Variants in COPS2 observed in about 807,000 individuals in gnomAD.
COPS2 encodes COP9 signalosome subunit 2.
COPS2 carries 10 observed loss-of-function variants against 66.1 expected under a neutral mutation model. The ratio of observed to expected loss-of-function variants is 0.15; its 90% CI spans 0.09 to 0.26. The LOEUF (loss-of-function observed/expected upper bound fraction) is 0.26. COPS2 is among the 10% of genes least tolerant of loss of function. The probability of loss-of-function intolerance (pLI) is 1.00; values close to 1 mark genes in which losing one functional copy is unlikely to be tolerated. For synonymous variants in COPS2, 179 were observed against 171.3 expected (o/e 1.04, Z -0.35); for missense variants, 215 against 513.3 (o/e 0.42, Z 5.62).
At chr15:49,133,685 T>C in intron 9 of COPS2, 74 bp downstream of exon 9, 1 of 1,029,398 alleles carries the variant, frequency 9.7e-7, no homozygotes, top group Non-Finnish European at 1.4e-6. Context: ...AACTGAGTTC[T>C]GAAAAGTTTT....
intron 1 of COPS2, among the ~76,000 whole-genome samples, chr15:49,149,404 C>T (rs982030223): frequency 1.3e-5 from 2 of 152,242 alleles, no homozygotes; most frequent in Admixed American, 1.3e-4. Context: ...TAGCATCACT[C>T]TTCTTAGCAA....
At chr15:49,152,410 A>C (rs751266550) in intron 1 of COPS2, among the ~76,000 whole-genome samples, 3 of 152,130 alleles carry the variant, frequency 2.0e-5, no homozygotes, top group Non-Finnish European at 4.4e-5. Flanking sequence ...GAGACAGATG[A>C]GGGGAGGAAG....
At chr15:49,130,945 G>C (rs1052699309) in intron 9 of COPS2, 129 bp from the exon 10 acceptor site, 3 of 459,414 alleles carry the variant, frequency 6.5e-6, no homozygotes, top group African/African-American at 2.0e-5. Context: ...TTCTGTCATG[G>C]AAATCACAGT....
chr15:49,136,815 C>T (rs2084255629), intron 6 of COPS2, among the ~76,000 whole-genome samples: 1 of 151,890 alleles, frequency 6.6e-6, no homozygotes. Context: ...GGCAAAACCC[C>T]ACCTCTACAA....
At chr15:49,144,164 T>C in intron 3 of COPS2, 63 bp downstream of exon 3, 1 of 1,003,586 alleles carries the variant, frequency 1.0e-6, no homozygotes, top group South Asian at 1.3e-5. Flanking sequence ...AATAGTACTT[T>C]GTCGTGATGA....
chr15:49,136,746 T>C (rs555067491), intron 6 of COPS2, among the ~76,000 whole-genome samples: 1 of 152,166 alleles, frequency 6.6e-6, no homozygotes, highest in East Asian at 1.9e-4. Context: ...CCCAGCACTT[T>C]GGGTGGCCGA....
intron 10 of COPS2, among the ~76,000 whole-genome samples, chr15:49,129,780 T>C (rs2084195641): frequency 6.6e-6 from 1 of 152,146 alleles, no homozygotes; most frequent in Non-Finnish European, 1.5e-5. Context: ...TTTGTTGACA[T>C]TGAGACTCTA....
intron 1 of COPS2, 67 bp downstream of exon 1, chr15:49,155,458 C>T: frequency 1.3e-6 from 2 of 1,489,298 alleles, no homozygotes; most frequent in Non-Finnish European, 1.9e-6. Context: ...AGGCCGCGGG[C>T]GCCCCGGCCC....
At chr15:49,140,231 G>T (rs2084282059) in intron 3 of COPS2, among the ~76,000 whole-genome samples, 1 of 151,858 alleles carries the variant, frequency 6.6e-6, no homozygotes, top group African/African-American at 2.4e-5. Context: ...CCGATCTCAG[G>T]TGATCTGCCC....
rs1384326741 is a variant in COPS2, at chr15:49,134,001, T to C, written c.823A>G (p.Thr275Ala). 5 of 1,613,878 alleles carry C rather than the reference T, an allele frequency of 3.1e-6. No homozygotes were observed. Among genetic ancestry groups the C allele is most frequent in the Non-Finnish European group, 4.2e-6 (5 of 1,179,894 alleles). Residue 275 changes from threonine (T) to alanine (A), a missense_variant, in exon 8 of 13, where the codon ACT becomes GCT. Thr to Ala is a moderately conservative substitution (Grantham distance 58, BLOSUM62 0). Coordinates refer to ENST00000388901, the MANE Select transcript of COPS2 (RefSeq NM_004236.4). ...YDESGSPRRT[T>A]CLKYLVLANM... is the part of the protein sequence containing the mutation. ...GCTAAGACCAAATATTTTAAGCAAGTGGTTCGTCTTGGACTTCCAGATTCA... is the reference window on the plus strand; with the variant it reads ...GCTAAGACCAAATATTTTAAGCAAGCGGTTCGTCTTGGACTTCCAGATTCA...
At position 49,127,190 on chromosome 15, in the gene COPS2, T is replaced by A. The variant is rs993278369; in HGVS notation, c.*760A>T. On this transcript the variant is annotated 3_prime_UTR_variant, in exon 13 of 13. Coordinates refer to ENST00000388901, the MANE Select transcript of COPS2 (RefSeq NM_004236.4). ...AAAGTAGTTCTCCTTACTCTATCAA[T>A]AAAGACTACTTTTAAAAACTTGAAA... 2 of 152,270 alleles carry A rather than the reference T, an allele frequency of 1.3e-5. No individual in the cohort carries two copies. The highest frequency in any genetic ancestry group is 4.8e-5 in the African/African-American group (2 of 41,456). The allele number at this position is 152,270 out of a possible 1,614,324, so 9.4% of individuals were successfully genotyped here.
chr15:49,129,103 T>G (rs1042054592), intron 11 of COPS2, among the ~76,000 whole-genome samples: 1 of 152,174 alleles, frequency 6.6e-6, no homozygotes, highest in Non-Finnish European at 1.5e-5. Context: ...TTTGTTACAA[T>G]GTTAAGGCTC....
intron 1 of COPS2, among the ~76,000 whole-genome samples, chr15:49,146,686 C>T (rs1192535069): frequency 6.6e-6 from 1 of 152,158 alleles, no homozygotes; most frequent in Non-Finnish European, 1.5e-5. Flanking sequence ...CCACCCTACC[C>T]TACCCAACTA....
Position 49,145,164 on chromosome 15 carries a change from G to A in COPS2, c.55-86C>T, listed in dbSNP as rs555021455. 1.3e-3 allele frequency: 802 copies of A among 639,502 alleles called. 9 individuals are homozygous for A. In the African/African-American group the frequency reaches 0.014, roughly 11 times the overall value. The allele number at this position is 639,502 out of a possible 1,614,324, so 39.6% of individuals were successfully genotyped here. On this transcript the variant is annotated intron_variant, in intron 1 of 12. Transcript: ENST00000388901. ...GTAAAAAGTGAATGCTGTTAAGACA[G>A]AAAAACCACATATTTTTACAAAACA...
rs1202881400 is a variant in COPS2 at position 49,130,830 on chromosome 15, A to G, written c.948-14T>C. 3 of 1,381,152 alleles carry G rather than the reference A, an allele frequency of 2.2e-6. No homozygotes were observed. Among genetic ancestry groups the G allele is most frequent in the Non-Finnish European group, 3.1e-6 (3 of 971,770 alleles). The allele number at this position is 1,381,152 out of a possible 1,614,324, so 85.6% of individuals were successfully genotyped here. Reference sequence around the variant, plus strand: ...TTCTGATAGGCACTAATAGAAAAACAAAGTGTAAATTATGTCAAACATGAA... The same window carrying G: ...TTCTGATAGGCACTAATAGAAAAACGAAGTGTAAATTATGTCAAACATGAA... On this transcript the variant is annotated splice_polypyrimidine_tract_variant and intron_variant, in intron 9 of 12. Coordinates refer to ENST00000388901, the MANE Select transcript of COPS2 (RefSeq NM_004236.4).
chr15:49,131,798 A>G (rs2084211282), intron 9 of COPS2, among the ~76,000 whole-genome samples: 1 of 152,172 alleles, frequency 6.6e-6, no homozygotes, highest in Non-Finnish European at 1.5e-5. Flanking sequence ...GTACATACAT[A>G]TTTTAACCGT....
chr15:49,133,673 T>A (rs2084231787), intron 9 of COPS2, 86 bp downstream of exon 9: 2 of 855,016 alleles, frequency 2.3e-6, no homozygotes, highest in Non-Finnish European at 3.7e-6. Flanking sequence ...ATGTTGAATA[T>A]TAACTGAGTT....
At chr15:49,139,692 A>G in intron 3 of COPS2, 39 bp from the exon 4 acceptor site, 1 of 1,498,172 alleles carries the variant, frequency 6.7e-7, no homozygotes, top group East Asian at 2.3e-5. Flanking sequence ...ATGCAAATTT[A>G]GGTACTAAAA....
intron 9 of COPS2, among the ~76,000 whole-genome samples, chr15:49,131,400 C>T (rs560457395): frequency 1.1e-4 from 16 of 151,404 alleles, no homozygotes; most frequent in South Asian, 6.3e-4. Context: ...GATTTATATT[C>T]ATAATTCTCT....
Sources: allele counts gnomAD v4.1 joint callset (sites outside exome capture counted in the v4.1 genomes callset), GRCh38; gene constraint gnomAD v4.1.1; transcripts MANE v1.5; gene names NCBI Gene and HGNC (gene_info 2026-07-23, HGNC 2026-07-21).